ZNF664: variants seen among roughly 807,000 people sequenced by gnomAD.
The protein encoded by ZNF664 is zinc finger Organ of Corti 1.
ZNF664 carries 10 observed loss-of-function variants against 18.2 expected under a neutral mutation model. The observed-to-expected ratio is 0.55, with a 90% CI of 0.34 to 0.93. The LOEUF is 0.93. Ranked by LOEUF, ZNF664 falls within the 40% of genes least tolerant of loss-of-function variation. The probability of loss-of-function intolerance (pLI) is 0.02; values close to 1 mark genes in which losing one functional copy is unlikely to be tolerated. For synonymous variants in ZNF664, 119 were observed against 104.2 expected (o/e 1.14, Z -0.86); for missense variants, 193 against 319.0 (o/e 0.61, Z 3.01).
chr12:123,973,797 C>A lies in ZNF664; in HGVS notation c.-891-89C>A, dbSNP rs1004097749. On this transcript the variant is annotated intron_variant, in intron 1 of 4. Transcript: ENST00000337815. ...TCTTGGAGCCCTTCCAGGCGGGTCC[C>A]GGGAGAGGCGGTCATGGCCGCGCCA... is the stretch of plus-strand genomic sequence containing the variant. 2.5e-6 allele frequency: 3 copies of A among 1,200,158 alleles called. No homozygotes were observed. The Admixed American group carries it at 1.3e-4, about 52-fold the overall frequency. The allele number at this position is 1,200,158 out of a possible 1,614,324, so 74.3% of individuals were successfully genotyped here. A position where few individuals can be genotyped will look rare whatever the true frequency, so the allele number is the denominator to read the frequency against.
Position 124,011,574 on chromosome 12 carries a change from TC to T in ZNF664, c.-567del. On this transcript the variant is annotated 5_prime_UTR_variant, in exon 5 of 5. Transcript: ENST00000337815. ...ACGGCATGATACCCATGTAGGGAATTCCCCAAAGCAGGGCTTGCCATACCTG... is the reference window on the plus strand; with the variant it reads ...ACGGCATGATACCCATGTAGGGAATTCCCAAAGCAGGGCTTGCCATACCTG... 2.0e-6 allele frequency: 2 copies of T among 987,366 alleles called. No homozygotes were observed. The highest frequency in any genetic ancestry group is 2.4e-6 in the Non-Finnish European group (2 of 831,480). 61.2% of individuals were successfully genotyped at this position (987,366 alleles called of 1,614,324 possible).
At chr12:123,998,924 G>T (rs1447374242) in intron 3 of ZNF664, among the ~76,000 whole-genome samples, 1 of 152,170 alleles carries the variant, frequency 6.6e-6, no homozygotes, top group Non-Finnish European at 1.5e-5. Context: ...GGGTGGGCTG[G>T]CTTCTCTCAT....
At chr12:123,991,644 T>G (rs1319048969) in intron 3 of ZNF664, among the ~76,000 whole-genome samples, 2 of 152,198 alleles carry the variant, frequency 1.3e-5, no homozygotes, top group Non-Finnish European at 2.9e-5. Flanking sequence ...TTGTAGACAT[T>G]ATTATCCATA....
chr12:123,983,485 C>T (rs1377681231), intron 2 of ZNF664, among the ~76,000 whole-genome samples: 1 of 152,104 alleles, frequency 6.6e-6, no homozygotes, highest in East Asian at 1.9e-4. Context: ...ATAAAATAAT[C>T]ATAGGTTATT....
intron 3 of ZNF664, among the ~76,000 whole-genome samples, chr12:123,999,238 A>C (rs1177388135): frequency 6.6e-6 from 1 of 152,194 alleles, no homozygotes; most frequent in Non-Finnish European, 1.5e-5. Context: ...GGAGGCCGAC[A>C]TGTCATCTTC....
chr12:124,010,883 G>C (rs980513813), intron 3 of ZNF664, among the ~76,000 whole-genome samples: 1 of 152,212 alleles, frequency 6.6e-6, no homozygotes, highest in Non-Finnish European at 1.5e-5. Flanking sequence ...TGGCTTAAGT[G>C]CTGGGAACAG....
At chr12:124,002,286 G>A (rs1292922378) in intron 3 of ZNF664, among the ~76,000 whole-genome samples, 2 of 152,222 alleles carry the variant, frequency 1.3e-5, no homozygotes, top group Non-Finnish European at 2.9e-5. Context: ...AGGCTGGTGT[G>A]TGGTTTGCAG....
intron 3 of ZNF664, among the ~76,000 whole-genome samples, chr12:123,988,418 GGTTATTAAAACTTTGTTT>G (rs1956849628): frequency 6.6e-6 from 1 of 152,008 alleles, no homozygotes; most frequent in African/African-American, 2.4e-5. Context: ...GTGAACCATT[GGTTATTAAAACTTTGTTT>G]CAGTTGTCCC....
intron 2 of ZNF664, among the ~76,000 whole-genome samples, chr12:123,977,426 G>GA (rs936868238): frequency 3.0e-5 from 3 of 99,146 alleles, no homozygotes; most frequent in African/African-American, 1.1e-4. Context: ...ATAGCTTTCT[G>GA]AATACCAGAA....
chr12:124,010,122 A>C (rs762021637), intron 3 of ZNF664, among the ~76,000 whole-genome samples: 1 of 152,194 alleles, frequency 6.6e-6, no homozygotes, highest in Non-Finnish European at 1.5e-5. Flanking sequence ...TTCTAGAATT[A>C]TTACTAGGAC....
chr12:123,978,166 G>C (rs1431003687), intron 2 of ZNF664, among the ~76,000 whole-genome samples: 1 of 151,146 alleles, frequency 6.6e-6, no homozygotes, highest in Non-Finnish European at 1.5e-5. Context: ...AGGAAGAGAA[G>C]GGAAAAAAAA....
chr12:123,994,383 A>AAAG, intron 3 of ZNF664, among the ~76,000 whole-genome samples: 1 of 152,234 alleles, frequency 6.6e-6, no homozygotes. Flanking sequence ...GATACTTACT[A>AAAG]ACTCATTTAT....
intron 3 of ZNF664, among the ~76,000 whole-genome samples, chr12:124,006,984 A>G (rs1366614525): frequency 1.3e-5 from 2 of 152,156 alleles, no homozygotes; most frequent in African/African-American, 4.8e-5. Flanking sequence ...CATAACCTGT[A>G]TCTGCCTCTG....
chr12:123,980,098 C>T (rs1055956650), intron 2 of ZNF664, among the ~76,000 whole-genome samples: 3 of 151,656 alleles, frequency 2.0e-5, no homozygotes, highest in Non-Finnish European at 4.4e-5. Context: ...TTGTAAGATA[C>T]AAAACAAAAT....
At chr12:123,980,626 T>TA (rs539026452) in intron 2 of ZNF664, among the ~76,000 whole-genome samples, 59 of 152,240 alleles carry the variant, frequency 3.9e-4, no homozygotes, top group African/African-American at 1.4e-3. Context: ...GAAAATATAT[T>TA]AAAATGCTTA....
chr12:124,006,731 T>A (rs963573837), intron 3 of ZNF664, among the ~76,000 whole-genome samples: 3 of 152,200 alleles, frequency 2.0e-5, no homozygotes, highest in African/African-American at 7.2e-5. Context: ...GTTGTTTGAG[T>A]TCTCCTCCAG....
chr12:124,011,686 T>C lies in ZNF664; in HGVS notation c.-459T>C. On this transcript the variant is annotated 5_prime_UTR_variant, in exon 5 of 5. Coordinates refer to ENST00000337815, the MANE Select transcript of ZNF664 (RefSeq NM_152437.3). ...CCAAACTGACTCTTCAAGGGGCAAC[T>C]GCAGGGGCTCGAGACCAGCCAGCAG... 9.9e-7 allele frequency: 1 copy of C among 1,007,634 alleles called. No individual in the cohort carries two copies. Among genetic ancestry groups the C allele is most frequent in the South Asian group, 4.6e-5 (1 of 21,848 alleles). 62.4% of individuals were successfully genotyped at this position (1,007,634 alleles called of 1,614,324 possible).
At chr12:124,010,900 C>G (rs2138462437) in intron 3 of ZNF664, among the ~76,000 whole-genome samples, 1 of 152,200 alleles carries the variant, frequency 6.6e-6, no homozygotes, top group South Asian at 2.1e-4. Flanking sequence ...ACAGCATGTA[C>G]AAAGGCCCTG....
intron 3 of ZNF664, among the ~76,000 whole-genome samples, chr12:124,000,982 C>A (rs1369452099): frequency 6.6e-6 from 1 of 152,152 alleles, no homozygotes; most frequent in Non-Finnish European, 1.5e-5. Flanking sequence ...TCCTTGACAT[C>A]GACTTTTGGA....
Sources: gnomAD v4.1 joint callset for allele counts (sites outside exome capture counted in the v4.1 genomes callset) on GRCh38, gnomAD v4.1.1 for gene constraint, MANE v1.5 for transcripts, NCBI Gene and HGNC (gene_info 2026-07-23, HGNC 2026-07-21) for gene names.